CSMD1: variants seen among roughly 807,000 people sequenced by gnomAD.
CSMD1 encodes the protein CUB and sushi domain-containing protein 1.
In CSMD1, 213 loss-of-function variants were observed where a neutral mutation model predicts 417.5. The observed-to-expected ratio is 0.51, with a 90% CI of 0.46 to 0.57. The LOEUF (loss-of-function observed/expected upper bound fraction) is 0.57, where lower values mean the gene tolerates loss of function less well. Among genes scored for constraint, CSMD1 ranks in the 20% least tolerant of loss-of-function variants. The pLI is 0.00. For missense variants in CSMD1, 6,923 were observed against 4,529.7 expected (o/e 1.53, Z -15.17); for synonymous variants, 2,862 against 1,736.8 (o/e 1.65, Z -16.11).
At chr8:3,474,552 T>A (rs539939655) in intron 11 of CSMD1, among the ~76,000 whole-genome samples, 7 of 152,220 alleles carry the variant, frequency 4.6e-5, no homozygotes, top group Non-Finnish European at 8.8e-5. Context: ...TTTACTTAAA[T>A]GTTTAATATT....
intron 2 of CSMD1, among the ~76,000 whole-genome samples, chr8:4,429,140 T>A (rs1215949452): frequency 2.0e-5 from 3 of 151,230 alleles, no homozygotes; most frequent in Non-Finnish European, 4.4e-5. Flanking sequence ...AAAACTGATA[T>A]ATAATTGGAT....
At chr8:3,093,640 C>G (rs1166655991) in intron 47 of CSMD1, among the ~76,000 whole-genome samples, 1 of 151,948 alleles carries the variant, frequency 6.6e-6, no homozygotes, top group Non-Finnish European at 1.5e-5. Context: ...TGCACTCCAG[C>G]CTGGGCAACA....
intron 10 of CSMD1, among the ~76,000 whole-genome samples, chr8:3,573,980 A>G (rs1800045170): frequency 6.6e-6 from 1 of 152,136 alleles, no homozygotes. Flanking sequence ...AAAAAAATTC[A>G]TTTGATAGCC....
chr8:4,064,245 G>C (rs1156316840), intron 3 of CSMD1, among the ~76,000 whole-genome samples: 3 of 152,190 alleles, frequency 2.0e-5, no homozygotes, highest in Admixed American at 6.5e-5. Context: ...TTCGCTGATG[G>C]AAATACTTGA....
chr8:3,918,230 G>C (rs1424493672), intron 5 of CSMD1, among the ~76,000 whole-genome samples: 5 of 152,000 alleles, frequency 3.3e-5, no homozygotes, highest in Non-Finnish European at 5.9e-5. Context: ...GGATTGCTGG[G>C]TCATATGGTA....
At chr8:4,722,783 A>G (rs542662493) in intron 1 of CSMD1, among the ~76,000 whole-genome samples, 2 of 152,300 alleles carry the variant, frequency 1.3e-5, no homozygotes, top group East Asian at 1.9e-4. Context: ...AACTACTTGA[A>G]TATTTCAGGA....
intron 41 of CSMD1, chr8:3,127,390 G>C (rs1817566240): frequency 6.6e-6 from 1 of 152,164 alleles, no homozygotes; most frequent in African/African-American, 2.4e-5. Context: ...AGTTTTAGAA[G>C]CATATCAACT....
chr8:4,656,207 G>C (rs1000568520), intron 1 of CSMD1, among the ~76,000 whole-genome samples: 1 of 152,052 alleles, frequency 6.6e-6, no homozygotes, highest in Non-Finnish European at 1.5e-5. Flanking sequence ...ATTCCAGGAA[G>C]GGAATATGGC....
At chr8:3,159,136 C>A (rs1819724880) in intron 38 of CSMD1, among the ~76,000 whole-genome samples, 7 of 152,158 alleles carry the variant, frequency 4.6e-5, no homozygotes, top group Admixed American at 3.9e-4. Context: ...ATTATCCTTA[C>A]AAATTTCCTT....
chr8:3,719,968 A>C (rs1481716), intron 6 of CSMD1, among the ~76,000 whole-genome samples: 104,097 of 151,968 alleles, frequency 0.68, 35,716 homozygotes, highest in Middle Eastern at 0.78. Context: ...TCACCACCTG[A>C]CCCTCAGAGC....
At chr8:3,098,198 G>C (rs1266590593) in intron 46 of CSMD1, among the ~76,000 whole-genome samples, 2 of 152,262 alleles carry the variant, frequency 1.3e-5, no homozygotes, top group South Asian at 4.1e-4. Flanking sequence ...AGAGTGTTAA[G>C]AGTTCTATAG....
chr8:3,326,023 G>A (rs1806506769), intron 23 of CSMD1, among the ~76,000 whole-genome samples: 1 of 152,102 alleles, frequency 6.6e-6, no homozygotes, highest in Non-Finnish European at 1.5e-5. Flanking sequence ...ACCTCTGTAG[G>A]ATTTGAGGGC....
Position 3,369,695 on chromosome 8 carries a change from C to G in CSMD1, c.2783-325G>C, listed in dbSNP as rs144553617. Among the ~76,000 whole-genome samples the G allele has an allele frequency of 9.5e-3, 1,446 of 152,306 alleles. 11 individuals carry two copies. The highest frequency in any genetic ancestry group is 0.015 in the Non-Finnish European group (1,033 of 68,016). On this transcript the variant is annotated intron_variant, in intron 18 of 69. Coordinates refer to ENST00000635120, the MANE Select transcript of CSMD1 (RefSeq NM_033225.6). ...TGAGAGCCGCTGGTCTTCTTAGCAG[C>G]ACTTCATTGAGTTCAAATCCCCTCA...
chr8:3,802,043 T>C (rs1253055429), intron 5 of CSMD1, among the ~76,000 whole-genome samples: 3 of 152,114 alleles, frequency 2.0e-5, no homozygotes. Flanking sequence ...CATACAAAAA[T>C]TCATGGAATT....
At chr8:4,373,106 C>T (rs145013165) in intron 3 of CSMD1, among the ~76,000 whole-genome samples, 2 of 152,160 alleles carry the variant, frequency 1.3e-5, no homozygotes, top group African/African-American at 2.4e-5. Context: ...AAACCCCAAA[C>T]TCCAGTCTCA....
chr8:3,593,370 G>C (rs73491404), intron 8 of CSMD1, among the ~76,000 whole-genome samples: 18 of 152,180 alleles, frequency 1.2e-4, no homozygotes, highest in Non-Finnish European at 2.5e-4. Context: ...GGAGGAGCCC[G>C]TGATGGAGAA....
chr8:4,653,624 G>A (rs1381824195), intron 1 of CSMD1, among the ~76,000 whole-genome samples: 1 of 152,128 alleles, frequency 6.6e-6, no homozygotes, highest in Non-Finnish European at 1.5e-5. Context: ...CAGTGACAGA[G>A]AGTCAACTGC....
At chr8:3,496,441 C>A (rs1330755463) in intron 10 of CSMD1, among the ~76,000 whole-genome samples, 1 of 152,204 alleles carries the variant, frequency 6.6e-6, no homozygotes, top group Non-Finnish European at 1.5e-5. Context: ...CTCCTCCAGG[C>A]CACAGAGCTA....
chr8:3,235,848 G>A (rs563979974), intron 26 of CSMD1, among the ~76,000 whole-genome samples: 5 of 150,498 alleles, frequency 3.3e-5, no homozygotes, highest in African/African-American at 1.2e-4. Context: ...AGTTCATGTT[G>A]TCTAATAAAC....
Sources: allele counts gnomAD v4.1 joint callset (sites outside exome capture counted in the v4.1 genomes callset), GRCh38; gene constraint gnomAD v4.1.1; transcripts MANE v1.5; gene names NCBI Gene and HGNC (gene_info 2026-07-23, HGNC 2026-07-21).